Variants in CCR1 observed in about 807,000 individuals in gnomAD.
CCR1 encodes C-C motif chemokine receptor 1.
In CCR1, 1 loss-of-function variant was observed where a neutral mutation model predicts 0.3. The ratio of observed to expected loss-of-function variants is 3.70; its 90% CI spans 1.31 to 17.54. The LOEUF is 17.54. Ranked by LOEUF, CCR1 falls within the 30% of genes most tolerant of loss-of-function variation. The probability of loss-of-function intolerance (pLI) is 0.11; values close to 1 mark genes in which losing one functional copy is unlikely to be tolerated. For synonymous variants in CCR1, 207 were observed against 182.5 expected (o/e 1.13, Z -1.08); for missense variants, 349 against 435.4 (o/e 0.80, Z 1.77).
In CCR1 at chr3:46,203,438, C is replaced by T. The variant is rs201430139; in HGVS notation, c.876G>A (p.Thr292=). ...AGATCACTGGGTTGACACAGCAGTG[C>T]GTGTAGGCGATCACCTCCGTCACTT... The part of the protein sequence containing the change: ...AVQVTEVIAY[T]HCCVNPVIYA... The change falls in exon 2 of 2, where the codon ACG becomes ACA. Residue 292 remains threonine (T), a synonymous_variant. Transcript: ENST00000296140. This position sits in a 1 kb window ranked among gnomAD's most constrained non-coding sequence, Gnocchi z 4.5. 25 of 1,614,028 alleles carry T rather than the reference C, an allele frequency of 1.5e-5. No homozygotes were observed. Among genetic ancestry groups the T allele is most frequent in the South Asian group, 1.3e-4 (12 of 91,092 alleles).
Position 46,203,178 on chromosome 3 carries a change from A to T in CCR1, c.*68T>A. The T allele has an allele frequency of 8.5e-7, 1 of 1,177,790 alleles. No individual in the cohort carries two copies. Among genetic ancestry groups the T allele is most frequent in the Non-Finnish European group, 1.2e-6 (1 of 816,286 alleles). The allele number at this position is 1,177,790 out of a possible 1,614,324, so 73.0% of individuals were successfully genotyped here. A position where few individuals can be genotyped will look rare whatever the true frequency, so the allele number is the denominator to read the frequency against. On this transcript the variant is annotated 3_prime_UTR_variant, in exon 2 of 2. Transcript: ENST00000296140. The surrounding 1 kb of genome is among the most constrained non-coding windows in gnomAD (Gnocchi z 4.5). ...GAGTCAGAACCTGGCTGGGAGAGCC[A>T]GGCTGCTGGCTCAGTGTGCCTGGCA...
chr3:46,203,384 CT>C lies in CCR1; in HGVS notation c.929del (p.Lys310SerfsTer60). ...GCCTGTGGAACAACTGCCGCAGGTACTTCCGGAACCTCTCACCAACGAAGGC... is the reference window on the plus strand; with the variant it reads ...GCCTGTGGAACAACTGCCGCAGGTACTCCGGAACCTCTCACCAACGAAGGC... ...IYAFVGERFR[K>X]YLRQLFHRRV... On this transcript the variant is annotated frameshift_variant, in exon 2 of 2. Coordinates refer to ENST00000296140, the MANE Select transcript of CCR1 (RefSeq NM_001295.3). LOFTEE classifies it low-confidence loss of function (END_TRUNC). The surrounding 1 kb of genome is among the most constrained non-coding windows in gnomAD (Gnocchi z 4.5). 6.2e-7 allele frequency: 1 copy of C among 1,614,186 alleles called. No individual in the cohort carries two copies. Among genetic ancestry groups the C allele is most frequent in the Non-Finnish European group, 8.5e-7 (1 of 1,180,032 alleles).
intron 1 of CCR1, among the ~76,000 whole-genome samples, chr3:46,204,689 G>A (rs1230004527): frequency 6.6e-6 from 1 of 152,186 alleles, no homozygotes; most frequent in Non-Finnish European, 1.5e-5. Context: ...CATGGCCTAG[G>A]CACTGGACTT....
chr3:46,204,576 C>A (rs923528474), intron 1 of CCR1, among the ~76,000 whole-genome samples: 4 of 152,116 alleles, frequency 2.6e-5, no homozygotes, highest in Admixed American at 2.6e-4. Context: ...ATCATTAATT[C>A]AATCATTTCA....
chr3:46,203,451 A>C lies in CCR1; in HGVS notation c.863T>G (p.Val288Gly), dbSNP rs1575478560. 1 of 1,613,318 alleles carries C rather than the reference A, an allele frequency of 6.2e-7. No homozygotes were observed. The highest frequency in any genetic ancestry group is 8.5e-7 in the Non-Finnish European group (1 of 1,179,828). The change falls in exon 2 of 2, where the codon GTG becomes GGG. Residue 288 changes from valine to glycine, a missense_variant. Val to Gly is a moderately radical substitution (Grantham distance 109). Coordinates refer to ENST00000296140, the MANE Select transcript of CCR1 (RefSeq NM_001295.3). This position sits in a 1 kb window ranked among gnomAD's most constrained non-coding sequence, Gnocchi z 4.5. ...GACACAGCAGTGCGTGTAGGCGATC[A>C]CCTCCGTCACTTGCACAGCCAGGTC... is the stretch of plus-strand genomic sequence containing the variant. ...HLDLAVQVTEVIAYTHCCVNP... is the reference protein window; with the variant it reads ...HLDLAVQVTEGIAYTHCCVNP...
intron 1 of CCR1, among the ~76,000 whole-genome samples, chr3:46,205,011 G>A (rs73830799): frequency 0.021 from 3,156 of 152,328 alleles, 100 homozygotes; most frequent in African/African-American, 0.07. Flanking sequence ...TCAGCCGAGA[G>A]TGACCTAGTA....
rs1213578557 is a variant in CCR1, at chr3:46,203,880, C to T, written c.434G>A (p.Arg145Gln). The T allele has an allele frequency of 5.0e-6, 8 of 1,614,174 alleles. No individual in the cohort carries two copies. Among genetic ancestry groups the T allele is most frequent in the East Asian group, 4.5e-5 (2 of 44,880 alleles). The part of the protein sequence containing the change: ...IVHAVFALRA[R>Q]TVTFGVITSI... The stretch of plus-strand genomic sequence containing the variant: ...GGTGATGACACCAAAAGTGACGGTC[C>T]GTGCCCGCAAGGCAAACACGGCGTG... The change falls in exon 2 of 2, where the codon CGG becomes CAG. Residue 145 changes from arginine to glutamine, a missense_variant. Coordinates refer to ENST00000296140, the MANE Select transcript of CCR1 (RefSeq NM_001295.3). This position sits in a 1 kb window ranked among gnomAD's most constrained non-coding sequence, Gnocchi z 4.5.
Position 46,203,096 on chromosome 3 carries a change from A to G in CCR1, c.*150T>C. On this transcript the variant is annotated 3_prime_UTR_variant, in exon 2 of 2. Coordinates refer to ENST00000296140, the MANE Select transcript of CCR1 (RefSeq NM_001295.3). The surrounding 1 kb of genome is among the most constrained non-coding windows in gnomAD (Gnocchi z 4.5). Reference sequence around the variant, plus strand: ...AAGCCCCAGAAGCCTCAGAAGCCCCAGGCCACCATTACATTCCCTCTCTAT... The same window carrying G: ...AAGCCCCAGAAGCCTCAGAAGCCCCGGGCCACCATTACATTCCCTCTCTAT... The G allele has an allele frequency of 1.7e-6, 1 of 588,510 alleles. No individual in the cohort carries two copies. The highest frequency in any genetic ancestry group is 3.1e-5 in the Admixed American group (1 of 32,604). The allele number at this position is 588,510 out of a possible 1,614,324, so 36.5% of individuals were successfully genotyped here.
Position 46,202,931 on chromosome 3 carries a change from G to T in CCR1, c.*315C>A. 1 of 278,926 alleles carries T rather than the reference G, an allele frequency of 3.6e-6. No individual in the cohort carries two copies. The allele number at this position is 278,926 out of a possible 1,614,324, so 17.3% of individuals were successfully genotyped here. ...ATAGTGGGAAGTGGGTGACTTTGTTGACAAATGCTAATGGTCACAAATCTG... is the reference window on the plus strand; with the variant it reads ...ATAGTGGGAAGTGGGTGACTTTGTTTACAAATGCTAATGGTCACAAATCTG... On this transcript the variant is annotated 3_prime_UTR_variant, in exon 2 of 2. Coordinates refer to ENST00000296140, the MANE Select transcript of CCR1 (RefSeq NM_001295.3).
chr3:46,204,914 C>G (rs1481047958), intron 1 of CCR1, among the ~76,000 whole-genome samples: 1 of 152,154 alleles, frequency 6.6e-6, no homozygotes, highest in African/African-American at 2.4e-5. Flanking sequence ...CACTGTGGAG[C>G]CCACAGGAGG....
chr3:46,204,337 A>G lies in CCR1; in HGVS notation c.-11-13T>C. 6.8e-7 allele frequency: 1 copy of G among 1,461,708 alleles called. No homozygotes were observed. The highest frequency in any genetic ancestry group is 9.2e-7 in the Non-Finnish European group (1 of 1,090,824). The allele number at this position is 1,461,708 out of a possible 1,614,324, so 90.5% of individuals were successfully genotyped here. On this transcript the variant is annotated splice_polypyrimidine_tract_variant and intron_variant, in intron 1 of 1. Coordinates refer to ENST00000296140, the MANE Select transcript of CCR1 (RefSeq NM_001295.3). ...ATCCCGGCTTCTCCTACAGGTTAAA[A>G]AAAAAAAAAAGATTTGTCTTTACTC...
chr3:46,207,728 T>C (rs576786825), intron 1 of CCR1, among the ~76,000 whole-genome samples: 2 of 150,904 alleles, frequency 1.3e-5, no homozygotes, highest in South Asian at 4.2e-4. Context: ...CACTGCAACC[T>C]CCACCTCCCG....
chr3:46,207,876 A>G (rs1024662102), intron 1 of CCR1, among the ~76,000 whole-genome samples: 1 of 152,010 alleles, frequency 6.6e-6, no homozygotes, highest in Non-Finnish European at 1.5e-5. Flanking sequence ...TCTTGACCTC[A>G]TGATCCACCT....
chr3:46,207,796 C>A (rs1409444006), intron 1 of CCR1, among the ~76,000 whole-genome samples: 3 of 152,086 alleles, frequency 2.0e-5, no homozygotes, highest in Non-Finnish European at 4.4e-5. Flanking sequence ...AGGCATGCGC[C>A]ACCATGCCCG....
Position 46,202,341 on chromosome 3 carries a change from A to G in CCR1, c.*905T>C, listed in dbSNP as rs1477297457. On this transcript the variant is annotated 3_prime_UTR_variant, in exon 2 of 2. Coordinates refer to ENST00000296140, the MANE Select transcript of CCR1 (RefSeq NM_001295.3). ...CCAACCCTGCTTCCTTTTGCCTGTTATTAATCGCTGCAATAAAGCCATTAG... is the reference window on the plus strand; with the variant it reads ...CCAACCCTGCTTCCTTTTGCCTGTTGTTAATCGCTGCAATAAAGCCATTAG... 6.6e-6 allele frequency: 1 copy of G among 152,126 alleles called. No homozygotes were observed. Among genetic ancestry groups the G allele is most frequent in the Non-Finnish European group, 1.5e-5 (1 of 68,016 alleles). The allele number at this position is 152,126 out of a possible 1,614,324, so 9.4% of individuals were successfully genotyped here. A position where few individuals can be genotyped will look rare whatever the true frequency, so the allele number is the denominator to read the frequency against.
chr3:46,204,361 T>G, intron 1 of CCR1, 37 bp from the exon 2 acceptor site: 1 of 1,351,922 alleles, frequency 7.4e-7, no homozygotes, highest in Non-Finnish European at 1.0e-6. Context: ...TTGTCTTTAC[T>G]CTGCTACTAA....
Position 46,203,517 on chromosome 3 carries a change from T to A in CCR1, c.797A>T (p.Asp266Val). 1 of 1,614,002 alleles carries A rather than the reference T, an allele frequency of 6.2e-7. No individual in the cohort carries two copies. Among genetic ancestry groups the A allele is most frequent in the East Asian group, 2.2e-5 (1 of 44,862 alleles). ...NLTILISVFQ[D>V]FLFTHECEQS... ...CTCACACTCATGGGTGAACAGGAAG[T>A]CTTGGAAAACAGAAATAAGTATAGT... Residue 266 changes from aspartate to valine, a missense_variant, in exon 2 of 2, where the codon GAC (aspartate) becomes GTC (valine). Transcript: ENST00000296140. This position sits in a 1 kb window ranked among gnomAD's most constrained non-coding sequence, Gnocchi z 4.5.
rs781408483 is a variant in CCR1, at chr3:46,204,030, A to G, written c.284T>C (p.Leu95Ser). 6.2e-7 allele frequency: 1 copy of G among 1,614,262 alleles called. No homozygotes were observed. Among genetic ancestry groups the G allele is most frequent in the Admixed American group, 1.7e-5 (1 of 60,032 alleles). ...ATCACCAAAAACCCAGTCATCCTTC[A>G]ACTTGTAGTCGATCCAGAAGGGAAG... is the stretch of plus-strand genomic sequence containing the variant. ...FTLPFWIDYKLKDDWVFGDAM... is the reference protein window; with the variant it reads ...FTLPFWIDYKSKDDWVFGDAM... The change falls in exon 2 of 2, where the codon TTG (leucine) becomes TCG (serine). Residue 95 changes from leucine to serine, a missense_variant. By Grantham distance (145) the Leu-to-Ser change is moderately radical (BLOSUM62 -2). Coordinates refer to ENST00000296140, the MANE Select transcript of CCR1 (RefSeq NM_001295.3).
Position 46,203,106 on chromosome 3 carries a change from TAC to T in CCR1, c.*138_*139del. ...AGCCTCAGAAGCCCCAGGCCACCATTACATTCCCTCTCTATCCCAAGTGGCTG... is the reference window on the plus strand; with the variant it reads ...AGCCTCAGAAGCCCCAGGCCACCATTATTCCCTCTCTATCCCAAGTGGCTG... On this transcript the variant is annotated 3_prime_UTR_variant, in exon 2 of 2. Transcript: ENST00000296140. This position sits in a 1 kb window ranked among gnomAD's most constrained non-coding sequence, Gnocchi z 4.5. 1.6e-6 allele frequency: 1 copy of T among 609,902 alleles called. No homozygotes were observed. The highest frequency in any genetic ancestry group is 2.9e-6 in the Non-Finnish European group (1 of 348,430). 37.8% of individuals were successfully genotyped at this position (609,902 alleles called of 1,614,324 possible).
Sources: allele counts gnomAD v4.1 joint callset (sites outside exome capture counted in the v4.1 genomes callset), GRCh38; gene constraint gnomAD v4.1.1; non-coding constraint Gnocchi (gnomAD v3.1); transcripts MANE v1.5; gene names NCBI Gene and HGNC (gene_info 2026-07-23, HGNC 2026-07-21).